The following ZNF420 variants were observed in gnomAD, a reference collection of about 807,000 sequenced individuals.
The protein encoded by ZNF420 is zinc finger protein 420, also known as ATM and p53-associated KZNF protein.
ZNF420 carries 31 observed loss-of-function variants against 44.7 expected under a neutral mutation model. That is an observed-to-expected ratio of 0.69 (90% confidence interval 0.52 to 0.94). The LOEUF is 0.94. Among genes scored for constraint, ZNF420 ranks in the 40% least tolerant of loss-of-function variants. ZNF420 has a pLI of 0.00. For missense variants in ZNF420, 681 were observed against 827.9 expected, an observed-to-expected ratio of 0.82 and a Z score of 2.18; for synonymous variants, 245 against 267.4, an observed-to-expected ratio of 0.92 and a Z score of 0.82.
chr19:37,055,861 G>C (rs957507355), intron 1 of ZNF420, among the ~76,000 whole-genome samples: 1 of 152,192 alleles, frequency 6.6e-6, no homozygotes, highest in Non-Finnish European at 1.5e-5. Context: ...CCCGAGGCCT[G>C]CCCGGATGGT....
intron 4 of ZNF420, among the ~76,000 whole-genome samples, chr19:37,113,447 C>T (rs752840328): frequency 6.6e-6 from 1 of 152,180 alleles, no homozygotes; most frequent in Non-Finnish European, 1.5e-5. Flanking sequence ...CTTGAGATTA[C>T]ATCTGATCCC....
At chr19:37,092,123 C>CT (rs1969187397) in intron 4 of ZNF420, 2 of 152,066 alleles carry the variant, frequency 1.3e-5, no homozygotes, top group South Asian at 4.1e-4. Flanking sequence ...TACATGATAA[C>CT]TTTATTCCTT....
intron 4 of ZNF420, among the ~76,000 whole-genome samples, chr19:37,097,995 G>C (rs1969555401): frequency 6.6e-6 from 1 of 151,810 alleles, no homozygotes; most frequent in South Asian, 2.1e-4. Flanking sequence ...TTTTGAGACA[G>C]GGTCTCCCTC....
In ZNF420 at chr19:37,127,681, A is replaced by G; in HGVS notation, c.690A>G (p.Lys230=). 2 of 1,613,536 alleles carry G rather than the reference A, an allele frequency of 1.2e-6. No homozygotes were observed. The highest frequency in any genetic ancestry group is 1.1e-5 in the South Asian group (1 of 91,028). Residue 230 remains lysine (K), a synonymous_variant, in exon 5 of 5, where the codon AAA becomes AAG. Coordinates refer to ENST00000337995, the MANE Select transcript of ZNF420 (RefSeq NM_144689.5). ...CATATAAATGTGAAGAATGTGGGAA[A>G]GCCTTTATTCGTAGCTCACAACTTA... ...EKPYKCEECG[K]AFIRSSQLTR... is the part of the protein sequence containing the mutation.
chr19:37,041,929 A>G (rs1429513630), intron 1 of ZNF420, among the ~76,000 whole-genome samples: 1 of 152,180 alleles, frequency 6.6e-6, no homozygotes, highest in African/African-American at 2.4e-5. Flanking sequence ...TATTAACCTG[A>G]TCACTTTTCC....
rs1568427901 is a variant in ZNF420 at position 37,044,287 on chromosome 19, C to A, written c.-124-36058C>A. On this transcript the variant is annotated intron_variant, in intron 1 of 4. Transcript: ENST00000587029. ...ACTCCAGCAATTTGGGAGGCCAAGGCAGGAGGATCACTTGAGGCCAGGAGT... is the reference window on the plus strand; with the variant it reads ...ACTCCAGCAATTTGGGAGGCCAAGGAAGGAGGATCACTTGAGGCCAGGAGT... Among the ~76,000 whole-genome samples the A allele has an allele frequency of 3.3e-5, 5 of 152,280 alleles. No individual in the cohort carries two copies. In the South Asian group the frequency reaches 1.0e-3, roughly 32 times the overall value.
chr19:37,047,965 T>A (rs926971854), intron 1 of ZNF420, among the ~76,000 whole-genome samples: 1 of 152,218 alleles, frequency 6.6e-6, no homozygotes, highest in African/African-American at 2.4e-5. Context: ...CACTTGCTAG[T>A]TATCTCTATA....
chr19:37,023,289 A>G (rs941790766), intron 1 of ZNF420, among the ~76,000 whole-genome samples: 16 of 152,342 alleles, frequency 1.1e-4, no homozygotes, highest in African/African-American at 3.6e-4. Flanking sequence ...GCTTTCCTAT[A>G]TCCTCTCAAT....
intron 1 of ZNF420, among the ~76,000 whole-genome samples, chr19:37,023,878 A>G (rs950465112): frequency 6.6e-6 from 1 of 152,128 alleles, no homozygotes. Flanking sequence ...GTATAAATAC[A>G]TTGACACACT....
intron 1 of ZNF420, among the ~76,000 whole-genome samples, chr19:37,078,783 T>C: frequency 6.6e-6 from 1 of 152,228 alleles, no homozygotes; most frequent in Non-Finnish European, 1.5e-5. Flanking sequence ...TTGTGACTGT[T>C]TGCTTACCTG....
chr19:37,015,238 C>G lies in ZNF420; in HGVS notation c.-125+7156C>G, dbSNP rs1048619373. On this transcript the variant is annotated intron_variant, in intron 1 of 4. Transcript: ENST00000587029. ...TCCACCTACCTTCTGATGCTCCTCA[C>G]TCTGTGGCTCCGCTTGGGCTGCGGG... 2.0e-5 allele frequency among the ~76,000 whole-genome samples: 3 copies of G among 152,236 alleles called. 1 individual carries two copies. The highest frequency in any genetic ancestry group is 4.4e-5 in the Non-Finnish European group (3 of 68,042).
At chr19:37,061,247 C>T (rs1967874723) in intron 1 of ZNF420, among the ~76,000 whole-genome samples, 2 of 152,204 alleles carry the variant, frequency 1.3e-5, no homozygotes, top group Non-Finnish European at 2.9e-5. Context: ...TCCCTGTTTG[C>T]ACGTGTCCTG....
intron 1 of ZNF420, among the ~76,000 whole-genome samples, chr19:37,062,403 A>G (rs1436483195): frequency 6.6e-6 from 1 of 152,234 alleles, no homozygotes; most frequent in Admixed American, 6.5e-5. Flanking sequence ...AACTTTGCCA[A>G]AGTATTTTAC....
rs758268767 is a variant in ZNF420 at position 37,068,438 on chromosome 19, A to G, written c.-124-11907A>G. ...GCGGATCACCTGAGGTCAGCAGTTC[A>G]AGACCAGCCTGACCAACATGGAGAA... On this transcript the variant is annotated intron_variant, in intron 1 of 4. Transcript: ENST00000587029. Among the ~76,000 whole-genome samples, 59 of 152,188 alleles carry G rather than the reference A, an allele frequency of 3.9e-4. No individual in the cohort carries two copies. In the Middle Eastern group the frequency reaches 0.017, roughly 44 times the overall value.
At chr19:37,101,468 C>A (rs923952412) in intron 4 of ZNF420, among the ~76,000 whole-genome samples, 1 of 152,220 alleles carries the variant, frequency 6.6e-6, no homozygotes, top group African/African-American at 2.4e-5. Context: ...GCACTCCAGC[C>A]TGGGCAGCAG....
intron 4 of ZNF420, among the ~76,000 whole-genome samples, chr19:37,093,836 A>C (rs531552556): frequency 1.2e-4 from 19 of 152,322 alleles, no homozygotes; most frequent in African/African-American, 4.6e-4. Flanking sequence ...CAGATGGAGA[A>C]TGGGGAGTGG....
intron 4 of ZNF420, among the ~76,000 whole-genome samples, chr19:37,110,381 G>A (rs565669271): frequency 6.6e-6 from 1 of 152,264 alleles, no homozygotes; most frequent in Non-Finnish European, 1.5e-5. Flanking sequence ...CATCAAATTT[G>A]TTTTTTAATC....
intron 1 of ZNF420, among the ~76,000 whole-genome samples, chr19:37,061,103 G>A (rs1370191880): frequency 6.6e-6 from 1 of 152,088 alleles, no homozygotes; most frequent in African/African-American, 2.4e-5. Flanking sequence ...CCCTTCCTCC[G>A]GAACATGCCT....
chr19:37,120,122 T>G (rs960709920), intron 4 of ZNF420, among the ~76,000 whole-genome samples: 1 of 152,242 alleles, frequency 6.6e-6, no homozygotes, highest in Non-Finnish European at 1.5e-5. Flanking sequence ...ACTCATTTTA[T>G]GAGGCCAGCA....
Sources: allele counts gnomAD v4.1 joint callset (sites outside exome capture counted in the v4.1 genomes callset), GRCh38; gene constraint gnomAD v4.1.1; transcripts MANE v1.5; gene names NCBI Gene and HGNC (gene_info 2026-07-23, HGNC 2026-07-21).